The following CTNNA2 variants were observed in gnomAD, a reference collection of about 807,000 sequenced individuals.
CTNNA2 encodes the protein catenin alpha-2.
A neutral mutation model predicts 101.0 loss-of-function variants in CTNNA2; 42 were observed. The ratio of observed to expected loss-of-function variants is 0.42; its 90% CI spans 0.32 to 0.54. CTNNA2 has a LOEUF of 0.54. CTNNA2 is among the 20% of genes least tolerant of loss of function. CTNNA2 has a pLI of 0.14. For synonymous variants in CTNNA2, 450 were observed against 456.4 expected (o/e 0.99, Z 0.18); for missense variants, 871 against 1,223.1 (o/e 0.71, Z 4.29).
chr2:79,214,985 G>C (rs1046307201), intron 2 of CTNNA2, among the ~76,000 whole-genome samples: 1 of 152,060 alleles, frequency 6.6e-6, no homozygotes, highest in Non-Finnish European at 1.5e-5. Context: ...GATTAAGAAG[G>C]GGACGGACTT....
At chr2:79,874,742 A>T (rs532049555) in intron 6 of CTNNA2, among the ~76,000 whole-genome samples, 1 of 152,266 alleles carries the variant, frequency 6.6e-6, no homozygotes, top group Admixed American at 6.5e-5. Context: ...CGGGAGGCGG[A>T]GATTGCGGTG....
chr2:80,055,347 T>G (rs1165569537), intron 7 of CTNNA2, among the ~76,000 whole-genome samples: 2 of 152,104 alleles, frequency 1.3e-5, no homozygotes, highest in East Asian at 3.9e-4. Context: ...CAGCTTAAAT[T>G]CTGTCTACAT....
intron 7 of CTNNA2, among the ~76,000 whole-genome samples, chr2:79,974,986 G>A (rs1356930410): frequency 1.3e-5 from 2 of 152,098 alleles, no homozygotes; most frequent in African/African-American, 4.8e-5. Context: ...AGGTGCAAAG[G>A]CCCTGAGGCC....
intron 7 of CTNNA2, among the ~76,000 whole-genome samples, chr2:80,037,373 C>CT (rs1416045570): frequency 6.6e-6 from 1 of 152,114 alleles, no homozygotes; most frequent in Middle Eastern, 3.2e-3. Context: ...CAGTTCACTA[C>CT]TGCAAAAAAA....
intron 12 of CTNNA2, among the ~76,000 whole-genome samples, chr2:80,561,711 G>A (rs1193964060): frequency 6.6e-6 from 1 of 152,094 alleles, no homozygotes; most frequent in Non-Finnish European, 1.5e-5. Flanking sequence ...TGCCCAGGCT[G>A]GAGTGCAATG....
At chr2:79,706,579 G>A (rs1174671904) in intron 2 of CTNNA2, among the ~76,000 whole-genome samples, 1 of 152,006 alleles carries the variant, frequency 6.6e-6, no homozygotes, top group Admixed American at 6.6e-5. Flanking sequence ...AGGAGAAAAG[G>A]TATGTCCAGA....
chr2:79,489,404 T>G (rs903891765), intron 4 of CTNNA2, among the ~76,000 whole-genome samples: 5 of 152,250 alleles, frequency 3.3e-5, no homozygotes, highest in African/African-American at 1.2e-4. Flanking sequence ...CCATCCTTCC[T>G]CCCTGTGATT....
At chr2:79,212,322 C>T (rs924189676) in intron 2 of CTNNA2, among the ~76,000 whole-genome samples, 4 of 151,976 alleles carry the variant, frequency 2.6e-5, no homozygotes, top group African/African-American at 7.3e-5. Context: ...GGGCACAGTC[C>T]AAGTTGGTCT....
chr2:80,062,702 C>CT lies in CTNNA2; in HGVS notation c.1056+152926dup, dbSNP rs70940073. On this transcript the variant is annotated intron_variant, in intron 7 of 18. Coordinates refer to ENST00000402739, the MANE Select transcript of CTNNA2 (RefSeq NM_001282597.3). ...CTTCTATGAAGCACTGCACTGTGAT[C>CT]TTTTTTTTTTTTTTTTTTTTTGAGA... Among the ~76,000 whole-genome samples the CT allele has an allele frequency of 8.3e-3, 972 of 117,490 alleles. 13 individuals are homozygous for CT. Among genetic ancestry groups the CT allele is most frequent in the Non-Finnish European group, 0.011 (657 of 58,506 alleles). The allele number at this position is 117,490 out of a possible 152,430, so 77.1% of individuals were successfully genotyped here.
At chr2:79,284,747 C>A (rs1236077351) in intron 2 of CTNNA2, among the ~76,000 whole-genome samples, 1 of 150,706 alleles carries the variant, frequency 6.6e-6, no homozygotes, top group Non-Finnish European at 1.5e-5. Context: ...TCTGCCTGGC[C>A]TTGGTATCCG....
At chr2:79,625,349 G>A (rs1391084490) in intron 1 of CTNNA2, among the ~76,000 whole-genome samples, 1 of 151,938 alleles carries the variant, frequency 6.6e-6, no homozygotes, top group Non-Finnish European at 1.5e-5. Flanking sequence ...TTAAAATGAA[G>A]TACTTACATG....
intron 2 of CTNNA2, among the ~76,000 whole-genome samples, chr2:79,291,873 T>A (rs1675827539): frequency 6.6e-6 from 1 of 152,180 alleles, no homozygotes; most frequent in South Asian, 2.1e-4. Context: ...TTCCATGGTT[T>A]CTATTGCCAT....
rs187293892 is a variant in CTNNA2 at position 79,568,658 on chromosome 2, T to A, written c.-6+55451T>A. Reference sequence around the variant, plus strand: ...AGAAAAGAACCTTCAGGTTTATAATTAAAGAATTCATGATGAAATAAAAAA... The same window carrying A: ...AGAAAAGAACCTTCAGGTTTATAATAAAAGAATTCATGATGAAATAAAAAA... On this transcript the variant is annotated intron_variant, in intron 1 of 18. Coordinates refer to ENST00000402739, the MANE Select transcript of CTNNA2 (RefSeq NM_001282597.3). Among the ~76,000 whole-genome samples, 268 of 151,920 alleles carry A rather than the reference T, an allele frequency of 1.8e-3. 1 individual carries two copies. The highest frequency in any genetic ancestry group is 5.9e-3 in the African/African-American group (246 of 41,462).
intron 6 of CTNNA2, among the ~76,000 whole-genome samples, chr2:79,905,110 C>T (rs1055034936): frequency 7.2e-5 from 11 of 152,128 alleles, no homozygotes; most frequent in African/African-American, 2.4e-4. Context: ...ATCTTTATGT[C>T]CATGCATTCC....
In CTNNA2 at chr2:80,587,297, C is replaced by T. The variant is rs532903243; in HGVS notation, c.2008-2007C>T. Among the ~76,000 whole-genome samples the T allele has an allele frequency of 2.1e-3, 324 of 152,206 alleles. 3 individuals are homozygous for T. Among genetic ancestry groups the T allele is most frequent in the African/African-American group, 7.5e-3 (311 of 41,526 alleles). ...ATACATAAGGAATCATAACAATCTT[C>T]TATTTGTAGATAGTTGCATAGACCC... On this transcript the variant is annotated intron_variant, in intron 14 of 18. Transcript: ENST00000402739.
intron 1 of CTNNA2, among the ~76,000 whole-genome samples, chr2:79,608,773 C>T (rs981860135): frequency 1.3e-5 from 2 of 152,032 alleles, no homozygotes; most frequent in African/African-American, 4.8e-5. Context: ...AGAACATCTA[C>T]ATAAATCCTT....
intron 4 of CTNNA2, among the ~76,000 whole-genome samples, chr2:79,430,007 A>G (rs1276066958): frequency 6.6e-6 from 1 of 152,140 alleles, no homozygotes; most frequent in Non-Finnish European, 1.5e-5. Context: ...ATTTTTCTCA[A>G]ACAACAAATA....
chr2:79,762,411 G>A (rs971383566), intron 3 of CTNNA2, among the ~76,000 whole-genome samples: 4 of 152,114 alleles, frequency 2.6e-5, no homozygotes, highest in African/African-American at 9.7e-5. Context: ...AGACCCTCCT[G>A]GTTCTTTCAT....
chr2:79,664,708 T>C (rs1028001817), intron 2 of CTNNA2, among the ~76,000 whole-genome samples: 28 of 33,354 alleles, frequency 8.4e-4, no homozygotes, highest in Admixed American at 3.7e-3. Flanking sequence ...CATTCTTCTT[T>C]TTTTTTTTTT....
Sources: gnomAD v4.1 joint callset for allele counts (sites outside exome capture counted in the v4.1 genomes callset) on GRCh38, gnomAD v4.1.1 for gene constraint, MANE v1.5 for transcripts, NCBI Gene and HGNC (gene_info 2026-07-23, HGNC 2026-07-21) for gene names.